HMCN1: variants seen among roughly 807,000 people sequenced by gnomAD.
The protein encoded by HMCN1 is hemicentin 1.
A neutral mutation model predicts 625.9 loss-of-function variants in HMCN1; 321 were observed. The ratio of observed to expected loss-of-function variants is 0.51; its 90% confidence interval spans 0.47 to 0.56. The LOEUF is 0.56. HMCN1 is among the 20% of genes least tolerant of loss of function. The pLI is 0.00. For synonymous variants in HMCN1, 2,425 were observed against 2,417.6 expected (o/e 1.00, Z -0.09); for missense variants, 6,588 against 6,887.3 (o/e 0.96, Z 1.54).
At chr1:185,786,721 G>A (rs910813877) in intron 1 of HMCN1, among the ~76,000 whole-genome samples, 2 of 152,150 alleles carry the variant, frequency 1.3e-5, no homozygotes, top group African/African-American at 2.4e-5. Flanking sequence ...AAGCCAACAC[G>A]AAACTTTTAC....
chr1:185,864,572 A>G lies in HMCN1; in HGVS notation c.442A>G (p.Lys148Glu), dbSNP rs1282007836. The G allele has an allele frequency of 1.2e-6, 2 of 1,613,978 alleles. No individual in the cohort carries two copies. Among genetic ancestry groups the G allele is most frequent in the East Asian group, 2.2e-5 (1 of 44,858 alleles). ...FIYVFTDARS[K>E]DYRLTHEVLQ... is the part of the protein sequence containing the mutation. Reference sequence around the variant, plus strand: ...CTATGTTTTCACTGATGCTCGGTCCAAAGATTACCGGCTCACCCATGAGGT... The same window carrying G: ...CTATGTTTTCACTGATGCTCGGTCCGAAGATTACCGGCTCACCCATGAGGT... Residue 148 changes from lysine to glutamate, a missense_variant, in exon 3 of 107, where the codon AAA becomes GAA. This residue lies in a region of HMCN1 where 4,628 missense variants were observed against 4,853.1 expected (regional missense o/e 0.95). Transcript: ENST00000271588.
Position 185,734,507 on chromosome 1 carries a change from G to C in HMCN1, c.-273G>C, listed in dbSNP as rs1653406387. The C allele has an allele frequency of 2.3e-6, 1 of 437,690 alleles. No individual in the cohort carries two copies. The highest frequency in any genetic ancestry group is 4.0e-5 in the East Asian group (1 of 25,214). The allele number at this position is 437,690 out of a possible 1,614,324, so 27.1% of individuals were successfully genotyped here. A position where few individuals can be genotyped will look rare whatever the true frequency, so the allele number is the denominator to read the frequency against. On this transcript the variant is annotated 5_prime_UTR_variant, in exon 1 of 107. Transcript: ENST00000271588. ...GGACCCGACGCGCCGCCCGCACTCC[G>C]CCACAGGCTGTCCAGGGCCCGCGGG...
intron 20 of HMCN1, 68 bp from the exon 21 acceptor site, chr1:185,989,420 T>C: frequency 6.4e-7 from 1 of 1,561,724 alleles, no homozygotes; most frequent in Non-Finnish European, 8.8e-7. Flanking sequence ...CCAGACATTG[T>C]CACTCTTTTA....
intron 55 of HMCN1, among the ~76,000 whole-genome samples, chr1:186,080,558 C>A (rs1175703591): frequency 6.6e-6 from 1 of 152,112 alleles, no homozygotes; most frequent in Non-Finnish European, 1.5e-5. Context: ...AGTGGGACTT[C>A]TCAAACTTTA....
chr1:185,806,737 A>G (rs1270805088), intron 1 of HMCN1, among the ~76,000 whole-genome samples: 1 of 152,168 alleles, frequency 6.6e-6, no homozygotes, highest in African/African-American at 2.4e-5. Context: ...TTTGAGTTTG[A>G]AAATTAAATG....
At chr1:186,138,483 ACAAAT>A (rs994921510) in intron 89 of HMCN1, among the ~76,000 whole-genome samples, 4 of 152,224 alleles carry the variant, frequency 2.6e-5, no homozygotes, top group African/African-American at 7.2e-5. Context: ...AATTAAAGTG[ACAAAT>A]CAAACAAGTC....
chr1:185,911,776 T>C lies in HMCN1; in HGVS notation c.896T>C (p.Val299Ala). Residue 299 changes from valine to alanine, a missense_variant, in exon 6 of 107, where the codon GTG (valine) becomes GCG (alanine). Val to Ala is a moderately conservative substitution (Grantham distance 64). This residue lies in a region of HMCN1 where 4,628 missense variants were observed against 4,853.1 expected (regional missense o/e 0.95). Transcript: ENST00000271588. ...GAGCCAGAGGCTGGAATGTGGACAG[T>C]GAAGGTACGGTTGTTTCACAAAGTT... is the stretch of plus-strand genomic sequence containing the variant. ...VKEPEAGMWT[V>A]KTSSSGRHSV... 6.2e-7 allele frequency: 1 copy of C among 1,606,224 alleles called. No individual in the cohort carries two copies. Among genetic ancestry groups the C allele is most frequent in the Non-Finnish European group, 8.5e-7 (1 of 1,173,040 alleles).
chr1:185,803,188 C>CAAAAAAAAAAAAAAAACA (rs1245942461), intron 1 of HMCN1, among the ~76,000 whole-genome samples: 10 of 33,720 alleles, frequency 3.0e-4, no homozygotes, highest in Non-Finnish European at 4.3e-4. Context: ...TTAGCAGAAC[C>CAAAAAAAAAAAAAAAACA]AAAAAAAAAA....
intron 36 of HMCN1, among the ~76,000 whole-genome samples, chr1:186,024,219 T>C (rs1654907195): frequency 6.6e-6 from 1 of 152,204 alleles, no homozygotes. Flanking sequence ...GTAACCATTT[T>C]GCAATTGGCT....
chr1:186,093,783 T>C (rs1354924031), intron 66 of HMCN1, 114 bp downstream of exon 66: 1 of 1,418,134 alleles, frequency 7.1e-7, no homozygotes, highest in African/African-American at 1.4e-5. Flanking sequence ...TTACAGTTTT[T>C]TTCCCTTTAA....
intron 93 of HMCN1, among the ~76,000 whole-genome samples, chr1:186,148,140 A>G (rs1650437924): frequency 1.3e-5 from 2 of 152,348 alleles, no homozygotes; most frequent in African/African-American, 4.8e-5. Flanking sequence ...CAGCATCTTC[A>G]TCAGGAGTAG....
At chr1:186,167,653 C>G (rs1415395420) in intron 100 of HMCN1, among the ~76,000 whole-genome samples, 3 of 152,190 alleles carry the variant, frequency 2.0e-5, no homozygotes, top group African/African-American at 7.2e-5. Flanking sequence ...TGTCTGTTTC[C>G]TCCAACCTCT....
intron 11 of HMCN1, among the ~76,000 whole-genome samples, chr1:185,936,027 C>T (rs1168409178): frequency 1.3e-5 from 2 of 151,974 alleles, no homozygotes; most frequent in Non-Finnish European, 2.9e-5. Context: ...CAAAATAATA[C>T]TTGGATTGAA....
chr1:185,826,236 G>T (rs1341620283), intron 1 of HMCN1, among the ~76,000 whole-genome samples: 1 of 152,176 alleles, frequency 6.6e-6, no homozygotes, highest in African/African-American at 2.4e-5. Context: ...AAAAATTAAA[G>T]AATTTAGGAT....
chr1:185,833,424 CA>C (rs1660986667), intron 1 of HMCN1, among the ~76,000 whole-genome samples: 1 of 152,132 alleles, frequency 6.6e-6, no homozygotes, highest in Non-Finnish European at 1.5e-5. Context: ...TAGTCAACTT[CA>C]AGTACAGGGC....
chr1:185,937,911 ATAATAATAATAG>A (rs1351877133), intron 11 of HMCN1, among the ~76,000 whole-genome samples: 1 of 147,330 alleles, frequency 6.8e-6, no homozygotes, highest in Non-Finnish European at 1.5e-5. Flanking sequence ...AATAATAATA[ATAATAATAATAG>A]TAATAATAAT....
intron 16 of HMCN1, among the ~76,000 whole-genome samples, chr1:185,980,659 T>A (rs1390396028): frequency 2.0e-5 from 3 of 152,220 alleles, no homozygotes; most frequent in Non-Finnish European, 4.4e-5. Context: ...ATGATTTTTC[T>A]AGTCATGCTC....
rs1649707367 is a variant in HMCN1 at position 186,137,827 on chromosome 1, T to G, written c.13779T>G (p.Ser4593Arg). 3 of 1,613,742 alleles carry G rather than the reference T, an allele frequency of 1.9e-6. No individual in the cohort carries two copies. Among genetic ancestry groups the G allele is most frequent in the Non-Finnish European group, 2.5e-6 (3 of 1,179,894 alleles). ...TGGATGGTAGCTGGTCGGAATGGAGTCTTTGGGAAGAATGCACAAGGAGCT... is the reference window on the plus strand; with the variant it reads ...TGGATGGTAGCTGGTCGGAATGGAGGCTTTGGGAAGAATGCACAAGGAGCT... Reference protein sequence around the residue: ...CPVDGSWSEWSLWEECTRSCG... With the variant: ...CPVDGSWSEWRLWEECTRSCG... Residue 4593 changes from serine to arginine, a missense_variant, in exon 89 of 107, where the codon AGT (serine) becomes AGG (arginine). Transcript: ENST00000271588.
chr1:186,018,395 T>G (rs1359225396), intron 34 of HMCN1, 43 bp downstream of exon 34: 3 of 1,525,778 alleles, frequency 2.0e-6, no homozygotes, highest in Non-Finnish European at 2.7e-6. Flanking sequence ...TTAAATTAAT[T>G]TATGCATTGT....
Sources: allele counts gnomAD v4.1 joint callset (sites outside exome capture counted in the v4.1 genomes callset), GRCh38; gene constraint gnomAD v4.1.1; regional missense constraint gnomAD v4.1.1; transcripts MANE v1.5; gene names NCBI Gene and HGNC (gene_info 2026-07-23, HGNC 2026-07-21).